HLTF: variants seen among roughly 807,000 people sequenced by gnomAD.
HLTF encodes helicase like transcription factor.
HLTF carries 127 observed loss-of-function variants against 129.4 expected under a neutral mutation model. That is an observed-to-expected ratio of 0.98 (90% CI 0.85 to 1.14). The LOEUF is 1.14. Ranked by LOEUF, HLTF falls within the 50% of genes most tolerant of loss-of-function variation. The probability of loss-of-function intolerance (pLI) is 0.00; values close to 1 mark genes in which losing one functional copy is unlikely to be tolerated. For synonymous variants in HLTF, 332 were observed against 388.8 expected (o/e 0.85, Z 1.72); for missense variants, 1,139 against 1,187.1 (o/e 0.96, Z 0.60).
chr3:149,039,396 T>A (rs768570504), intron 22 of HLTF, among the ~76,000 whole-genome samples, 167 bp from the exon 23 acceptor site: 1 of 152,222 alleles, frequency 6.6e-6, no homozygotes, highest in Non-Finnish European at 1.5e-5. Context: ...CATTTTCTGA[T>A]AAATTCAGGA....
chr3:149,040,918 C>A (rs1021520231), intron 20 of HLTF, among the ~76,000 whole-genome samples: 2 of 152,044 alleles, frequency 1.3e-5, no homozygotes, highest in African/African-American at 4.8e-5. Flanking sequence ...AATTCTACCC[C>A]AGCTGAATGA....
At chr3:149,064,565 G>A (rs1448485660) in intron 9 of HLTF, among the ~76,000 whole-genome samples, 1 of 151,920 alleles carries the variant, frequency 6.6e-6, no homozygotes, top group Non-Finnish European at 1.5e-5. Flanking sequence ...CTCTTCCCCA[G>A]TTCTCTAAAT....
At chr3:149,083,009 T>C (rs2108076492) in intron 2 of HLTF, among the ~76,000 whole-genome samples, 1 of 152,336 alleles carries the variant, frequency 6.6e-6, no homozygotes, top group East Asian at 1.9e-4. Context: ...CCCAGCACTT[T>C]GGAAGGCCGA....
At chr3:149,060,558 A>T in intron 12 of HLTF, 85 bp downstream of exon 12, 1 of 1,100,108 alleles carries the variant, frequency 9.1e-7, no homozygotes, top group East Asian at 2.4e-5. Context: ...TTACTAAAAC[A>T]TTCCAACCTA....
At chr3:149,038,278 C>T (rs889916460) in intron 23 of HLTF, among the ~76,000 whole-genome samples, 9 of 152,044 alleles carry the variant, frequency 5.9e-5, no homozygotes, top group African/African-American at 9.7e-5. Flanking sequence ...TAAAAACTGA[C>T]GCAAAGCAGG....
At chr3:149,037,467 CAA>C (rs71135657) in intron 23 of HLTF, among the ~76,000 whole-genome samples, 10 of 99,564 alleles carry the variant, frequency 1.0e-4, no homozygotes, top group Admixed American at 1.1e-4. Context: ...GACTCTGTCT[CAA>C]AAAAAAAAAA....
In HLTF at chr3:149,048,933, T is replaced by G; in HGVS notation, c.1686A>C (p.Ile562=). The G allele has an allele frequency of 1.9e-6, 3 of 1,612,064 alleles. No individual in the cohort carries two copies. The highest frequency in any genetic ancestry group is 2.5e-6 in the Non-Finnish European group (3 of 1,178,184). The change falls in exon 16 of 25, where the codon ATA becomes ATC. Residue 562 remains isoleucine, a synonymous_variant. Coordinates refer to ENST00000310053, the MANE Select transcript of HLTF (RefSeq NM_003071.4). ...TTGTCTGCTGAGCATTTGGATTTCG[T>G]ATGGCATGTCCTTCATCCAGGATCA... is the stretch of plus-strand genomic sequence containing the variant. ...LRVILDEGHA[I]RNPNAQQTKA... is the part of the protein sequence containing the mutation.
At chr3:149,063,182 C>T (rs575993834) in intron 10 of HLTF, 703 of 454,248 alleles carry the variant, frequency 1.5e-3, no homozygotes, top group Middle Eastern at 2.8e-3. Flanking sequence ...GCCTCAGCCT[C>T]CTGGGTAACT....
intron 3 of HLTF, among the ~76,000 whole-genome samples, chr3:149,075,599 G>A (rs1379907057): frequency 6.6e-6 from 1 of 152,128 alleles, no homozygotes; most frequent in African/African-American, 2.4e-5. Context: ...CTAAACCTAG[G>A]TACCAAAAGG....
intron 8 of HLTF, among the ~76,000 whole-genome samples, chr3:149,067,145 C>T (rs574241486): frequency 1.7e-4 from 26 of 151,094 alleles, no homozygotes; most frequent in African/African-American, 6.3e-4. Flanking sequence ...TTCTTAGAAA[C>T]CAAATATAAA....
In HLTF at chr3:149,057,315, A is replaced by G. The variant is rs181114938; in HGVS notation, c.1376-1915T>C. 4.7e-3 allele frequency among the ~76,000 whole-genome samples: 717 copies of G among 151,958 alleles called. 5 individuals carry two copies. Among genetic ancestry groups the G allele is most frequent in the African/African-American group, 0.016 (673 of 41,428 alleles). On this transcript the variant is annotated intron_variant, in intron 13 of 24. Coordinates refer to ENST00000310053, the MANE Select transcript of HLTF (RefSeq NM_003071.4). Reference sequence around the variant, plus strand: ...GTGGCAGGCGCCTGTAGTCTCAGCTACTTGGGAGGCTGAGACAGGAGAATT... The same window carrying G: ...GTGGCAGGCGCCTGTAGTCTCAGCTGCTTGGGAGGCTGAGACAGGAGAATT...
At chr3:149,035,656 CAAAAAAAAAAAAAAAA>C (rs59996160) in intron 23 of HLTF, among the ~76,000 whole-genome samples, 3 of 73,410 alleles carry the variant, frequency 4.1e-5, no homozygotes, top group East Asian at 4.5e-4. Flanking sequence ...GACTCCGTCT[CAAAAAAAAAAAAAAAA>C]AAAAAAAAAA....
chr3:149,034,007 A>T (rs1265803065), intron 24 of HLTF, among the ~76,000 whole-genome samples: 1 of 152,202 alleles, frequency 6.6e-6, no homozygotes, highest in Non-Finnish European at 1.5e-5. Context: ...AGTCCTTTAT[A>T]CTATAAAACT....
intron 7 of HLTF, among the ~76,000 whole-genome samples, chr3:149,069,841 G>T (rs955725120): frequency 2.6e-5 from 4 of 152,180 alleles, no homozygotes; most frequent in Admixed American, 2.6e-4. Context: ...AAATTAGAAT[G>T]TTGGAAAAGT....
chr3:149,055,963 G>C (rs1225509678), intron 13 of HLTF, among the ~76,000 whole-genome samples: 2 of 152,230 alleles, frequency 1.3e-5, no homozygotes, highest in Non-Finnish European at 2.9e-5. Context: ...CTGCCACGAT[G>C]TGAGGCCACT....
chr3:149,048,134 A>C lies in HLTF; in HGVS notation c.1786T>G (p.Leu596Val). ...GTPIQNSLKD[L>V]WSLLSFLKLK... ...TTTAAAAAGGAAAGAAGAGACCACA[A>C]GTCCTTTAAAGAATTCTGGATTGGA... The change falls in exon 17 of 25, where the codon TTG becomes GTG. Residue 596 changes from leucine (L) to valine (V), a missense_variant. By Grantham distance (32) the Leu-to-Val change is conservative. Transcript: ENST00000310053. 1.2e-6 allele frequency: 2 copies of C among 1,609,342 alleles called. No individual in the cohort carries two copies. Among genetic ancestry groups the C allele is most frequent in the Non-Finnish European group, 1.7e-6 (2 of 1,178,308 alleles).
At position 149,036,297 on chromosome 3, in the gene HLTF, G is replaced by GTTTTTTTTTTGT. The variant is rs1553736650; in HGVS notation, c.2797-1300_2797-1299insACAAAAAAAAAA. On this transcript the variant is annotated intron_variant, in intron 23 of 24. Transcript: ENST00000310053. ...TTAAATTTTAAATTAAAACTATGAGGTTTTTTTTTTGAGATGGAGTCTCGC... is the reference window on the plus strand; with the variant it reads ...TTAAATTTTAAATTAAAACTATGAGGTTTTTTTTTTGTTTTTTTTTTTGAGATGGAGTCTCGC... Among the ~76,000 whole-genome samples the GTTTTTTTTTTGT allele has an allele frequency of 8.0e-4, 86 of 107,980 alleles. 5 individuals are homozygous for GTTTTTTTTTTGT. The highest frequency in any genetic ancestry group is 4.2e-3 in the South Asian group (15 of 3,540). 70.8% of individuals were successfully genotyped at this position (107,980 alleles called of 152,430 possible). A position where few individuals can be genotyped will look rare whatever the true frequency, so the allele number is the denominator to read the frequency against.
chr3:149,077,580 T>C (rs1719487478), intron 2 of HLTF, among the ~76,000 whole-genome samples: 1 of 151,296 alleles, frequency 6.6e-6, no homozygotes, highest in African/African-American at 2.4e-5. Flanking sequence ...CAAAAAGGCT[T>C]ATAAAGAAGA....
Position 149,032,345 on chromosome 3 carries a change from T to A in HLTF, c.2905A>T (p.Asn969Tyr). ...TTTTTGTTTTGTATTTTCAGCATAT[T>A]TTCTTCAACAGAGTCCTTTACAATG... is the stretch of plus-strand genomic sequence containing the variant. ...KFIVKDSVEE[N>Y]MLKIQNKKRE... Residue 969 changes from asparagine to tyrosine, a missense_variant, in exon 25 of 25, where the codon AAT becomes TAT. Transcript: ENST00000310053. 1 of 1,581,664 alleles carries A rather than the reference T, an allele frequency of 6.3e-7. No individual in the cohort carries two copies. The highest frequency in any genetic ancestry group is 1.2e-5 in the South Asian group (1 of 85,312).
Sources: allele counts gnomAD v4.1 joint callset (sites outside exome capture counted in the v4.1 genomes callset), GRCh38; gene constraint gnomAD v4.1.1; transcripts MANE v1.5; gene names NCBI Gene and HGNC (gene_info 2026-07-23, HGNC 2026-07-21).